The following ADAMTSL3 variants were observed in gnomAD, a reference collection of about 807,000 sequenced individuals.
ADAMTSL3 encodes the protein ADAMTS like 3, also known as ADAMTS-like protein 3.
Under a neutral mutation model 201.7 loss-of-function variants are expected in ADAMTSL3, and 128 were observed. That is an observed-to-expected ratio of 0.63 (90% CI 0.55 to 0.73). ADAMTSL3 has a LOEUF of 0.73. Ranked by LOEUF, ADAMTSL3 falls within the 30% of genes least tolerant of loss-of-function variation. ADAMTSL3 has a pLI of 0.00. For missense variants in ADAMTSL3, 1,990 were observed against 2,119.6 expected (o/e 0.94, Z 1.20); for synonymous variants, 738 against 748.4 (o/e 0.99, Z 0.23).
intron 2 of ADAMTSL3, among the ~76,000 whole-genome samples, chr15:83,662,553 T>G (rs2061186864): frequency 8.1e-6 from 1 of 124,006 alleles, no homozygotes; most frequent in Admixed American, 9.0e-5. Context: ...ACATGTACCC[T>G]AAAACTTAAA....
intron 21 of ADAMTSL3, 69 bp from the exon 22 acceptor site, chr15:83,988,622 G>A: frequency 7.3e-7 from 1 of 1,363,100 alleles, no homozygotes. Flanking sequence ...TTCTTTCTCT[G>A]CAACTCACTG....
At chr15:83,735,744 G>T (rs984577752) in intron 3 of ADAMTSL3, among the ~76,000 whole-genome samples, 1 of 151,782 alleles carries the variant, frequency 6.6e-6, no homozygotes, top group African/African-American at 2.4e-5. Context: ...CAAACACTTA[G>T]TACAGTAAAT....
At chr15:84,019,478 T>C (rs978069729) in intron 25 of ADAMTSL3, among the ~76,000 whole-genome samples, 8 of 152,122 alleles carry the variant, frequency 5.3e-5, no homozygotes, top group Non-Finnish European at 8.8e-5. Flanking sequence ...GACAGGAGAA[T>C]AGATTAAAAA....
chr15:84,039,834 C>T lies in ADAMTSL3; in HGVS notation c.*2028C>T, dbSNP rs895493658. 1 of 152,618 alleles carries T rather than the reference C, an allele frequency of 6.6e-6. No individual in the cohort carries two copies. Among genetic ancestry groups the T allele is most frequent in the African/African-American group, 2.4e-5 (1 of 41,438 alleles). The allele number at this position is 152,618 out of a possible 1,614,324, so 9.5% of individuals were successfully genotyped here. A position where few individuals can be genotyped will look rare whatever the true frequency, so the allele number is the denominator to read the frequency against. ...ATTTACTTTGATTATTCAGTGGCAT[C>T]CTTATAAATGTAGGCAGCTTATGTG... is the stretch of plus-strand genomic sequence containing the variant. On this transcript the variant is annotated 3_prime_UTR_variant, in exon 30 of 30. Coordinates refer to ENST00000286744, the MANE Select transcript of ADAMTSL3 (RefSeq NM_207517.3).
At chr15:83,666,118 AAT>A (rs1491037916) in intron 2 of ADAMTSL3, among the ~76,000 whole-genome samples, 6 of 152,178 alleles carry the variant, frequency 3.9e-5, no homozygotes, top group South Asian at 4.1e-4. Context: ...AATATTAACA[AAT>A]ATGTATCTTT....
chr15:83,898,163 T>C (rs528910265), intron 14 of ADAMTSL3, among the ~76,000 whole-genome samples, 158 bp downstream of exon 14: 1 of 152,250 alleles, frequency 6.6e-6, no homozygotes, highest in South Asian at 2.1e-4. Flanking sequence ...AAGTTAGATA[T>C]ATGTGAATTA....
At chr15:83,689,305 C>G (rs1596030149) in intron 2 of ADAMTSL3, among the ~76,000 whole-genome samples, 1 of 152,194 alleles carries the variant, frequency 6.6e-6, no homozygotes, top group East Asian at 1.9e-4. Flanking sequence ...GGAACAGTAT[C>G]AATACCTGTG....
intron 8 of ADAMTSL3, among the ~76,000 whole-genome samples, chr15:83,870,291 A>C (rs1438020586): frequency 6.6e-6 from 1 of 152,202 alleles, no homozygotes; most frequent in African/African-American, 2.4e-5. Context: ...CTTTTGTAAC[A>C]TGTAAACATT....
intron 9 of ADAMTSL3, among the ~76,000 whole-genome samples, chr15:83,883,092 T>G (rs2065307548): frequency 6.6e-6 from 1 of 151,878 alleles, no homozygotes; most frequent in African/African-American, 2.4e-5. Flanking sequence ...AGCTGTTTCT[T>G]CCACTAAATA....
At chr15:83,894,971 A>G (rs1286889155) in intron 13 of ADAMTSL3, among the ~76,000 whole-genome samples, 2 of 152,222 alleles carry the variant, frequency 1.3e-5, no homozygotes, top group Non-Finnish European at 2.9e-5. Flanking sequence ...TATATTCATC[A>G]TCAGAATGAG....
intron 16 of ADAMTSL3, among the ~76,000 whole-genome samples, chr15:83,920,499 A>T (rs1218803574): frequency 6.6e-6 from 1 of 152,210 alleles, no homozygotes; most frequent in Non-Finnish European, 1.5e-5. Flanking sequence ...ATACCTTTGG[A>T]TCCATAAAAT....
At chr15:83,672,379 G>A (rs1596001600) in intron 2 of ADAMTSL3, among the ~76,000 whole-genome samples, 1 of 152,200 alleles carries the variant, frequency 6.6e-6, no homozygotes, top group Non-Finnish European at 1.5e-5. Context: ...TGTTTGGAAA[G>A]GAGAAAGCAC....
intron 2 of ADAMTSL3, among the ~76,000 whole-genome samples, chr15:83,668,513 T>C (rs1424303781): frequency 6.6e-6 from 1 of 152,114 alleles, no homozygotes; most frequent in Admixed American, 6.5e-5. Context: ...TGTATGTGTG[T>C]TTGTGTTTCA....
At chr15:83,772,604 A>T (rs1047327708) in intron 3 of ADAMTSL3, among the ~76,000 whole-genome samples, 26 of 151,968 alleles carry the variant, frequency 1.7e-4, no homozygotes, top group Non-Finnish European at 2.9e-4. Flanking sequence ...AGGAATGGAG[A>T]TTCTCTCAGG....
At chr15:83,743,519 CAAAAAAAAAAAA>C (rs759218799) in intron 3 of ADAMTSL3, among the ~76,000 whole-genome samples, 1 of 57,098 alleles carries the variant, frequency 1.8e-5, no homozygotes, top group Non-Finnish European at 3.8e-5. Flanking sequence ...GACTCCGTCT[CAAAAAAAAAAAA>C]AAAAAAAAAA....
chr15:83,714,679 CCCTCCCTT>C (rs1430096696), intron 3 of ADAMTSL3, among the ~76,000 whole-genome samples: 1 of 146,354 alleles, frequency 6.8e-6, no homozygotes, highest in Non-Finnish European at 1.5e-5. Flanking sequence ...CTCCCTCCCT[CCCTCCCTT>C]CCTCCCTTCC....
At chr15:83,901,599 T>C (rs1006457004) in intron 15 of ADAMTSL3, among the ~76,000 whole-genome samples, 4 of 152,124 alleles carry the variant, frequency 2.6e-5, no homozygotes, top group African/African-American at 7.2e-5. Flanking sequence ...GGAGCAAAGA[T>C]TGGTAGTCAA....
At chr15:83,889,719 C>T (rs1186384536) in intron 10 of ADAMTSL3, among the ~76,000 whole-genome samples, 1 of 152,138 alleles carries the variant, frequency 6.6e-6, no homozygotes, top group Non-Finnish European at 1.5e-5. Flanking sequence ...ATGAATAACT[C>T]TCCTGCACCT....
intron 3 of ADAMTSL3, among the ~76,000 whole-genome samples, chr15:83,756,170 A>G (rs113276322): frequency 2.6e-5 from 4 of 152,364 alleles, no homozygotes; most frequent in African/African-American, 9.6e-5. Context: ...CAGTGGCTGT[A>G]CCATTTTACA....
Sources: gnomAD v4.1 joint callset for allele counts (sites outside exome capture counted in the v4.1 genomes callset) on GRCh38, gnomAD v4.1.1 for gene constraint, MANE v1.5 for transcripts, NCBI Gene and HGNC (gene_info 2026-07-23, HGNC 2026-07-21) for gene names.